ZNF469: variants seen among roughly 807,000 people sequenced by gnomAD.
The protein encoded by ZNF469 is zinc finger protein 469.
In ZNF469, 1 loss-of-function variant was observed where a neutral mutation model predicts 1.0. That is an observed-to-expected ratio of 1.00 (90% CI 0.35 to 4.73). The LOEUF (loss-of-function observed/expected upper bound fraction) is 4.73, where lower values mean the gene tolerates loss of function less well. Ranked by LOEUF, ZNF469 falls within the 30% of genes most tolerant of loss-of-function variation. The pLI, the probability that ZNF469 is intolerant of heterozygous loss-of-function variation, is 0.16. For missense variants in ZNF469, 6,100 were observed against 5,356.3 expected (o/e 1.14, Z -4.33); for synonymous variants, 2,703 against 2,363.4 (o/e 1.14, Z -4.17).
the ZNF469 span, among the ~76,000 whole-genome samples, chr16:88,220,198 C>T: frequency 6.6e-6 from 1 of 152,198 alleles, no homozygotes; most frequent in Non-Finnish European, 1.5e-5. Flanking sequence ...TGCATGCTGG[C>T]CTCATTCCCA....
the ZNF469 span, among the ~76,000 whole-genome samples, chr16:88,135,748 G>GTTTTGTTC: frequency 3.0e-5 from 2 of 66,926 alleles, no homozygotes; most frequent in African/African-American, 4.9e-5. Flanking sequence ...AGCTGGCCAT[G>GTTTTGTTC]TTTTTTTTTT....
chr16:88,297,888 G>A, the ZNF469 span, among the ~76,000 whole-genome samples: 5 of 152,118 alleles, frequency 3.3e-5, no homozygotes, highest in African/African-American at 2.4e-5. Flanking sequence ...TACAGGTGCC[G>A]GTGTGGCTTT....
the ZNF469 span, among the ~76,000 whole-genome samples, chr16:88,274,143 C>G: frequency 3.0e-4 from 45 of 152,358 alleles, no homozygotes; most frequent in East Asian, 7.7e-3. Flanking sequence ...CTGACACATG[C>G]TACTGCATGG....
the ZNF469 span, chr16:88,191,393 A>ATGCC: frequency 2.0e-5 from 3 of 152,382 alleles, no homozygotes; most frequent in South Asian, 6.2e-4. Context: ...GGAGATCTAG[A>ATGCC]TGCCCACAAG....
chr16:88,139,347 G>A, the ZNF469 span, among the ~76,000 whole-genome samples: 2 of 151,876 alleles, frequency 1.3e-5, no homozygotes, highest in Non-Finnish European at 2.9e-5. Context: ...GCCTGGGGAT[G>A]TGACGAGGAA....
chr16:88,350,920 T>C, the ZNF469 span, among the ~76,000 whole-genome samples: 37 of 152,348 alleles, frequency 2.4e-4, no homozygotes, highest in African/African-American at 7.9e-4. Flanking sequence ...CTGATGTTCG[T>C]GGAAGCAGTG....
the ZNF469 span, among the ~76,000 whole-genome samples, chr16:88,143,680 G>A: frequency 9.9e-5 from 15 of 152,252 alleles, no homozygotes; most frequent in Admixed American, 9.8e-4. Flanking sequence ...GCTGTTAAAT[G>A]ATGACAGCTT....
At chr16:88,368,741 G>A in the ZNF469 span, among the ~76,000 whole-genome samples, 1 of 152,050 alleles carries the variant, frequency 6.6e-6, no homozygotes, top group Non-Finnish European at 1.5e-5. Flanking sequence ...GGAAAGTGTG[G>A]CCTGGGAGAG....
Position 88,391,097 on chromosome 16 carries a change from A to T in ZNF469, c.-192+7843A>T, listed in dbSNP as rs1904480046. 2.0e-5 allele frequency among the ~76,000 whole-genome samples: 3 copies of T among 152,208 alleles called. No homozygotes were observed. In the South Asian group the frequency reaches 6.2e-4, roughly 31 times the overall value. ...CATGCAATTGCATTTGGGAGGTGTGATATAGAATCCCACTGTGCCAGCTGC... is the reference window on the plus strand; with the variant it reads ...CATGCAATTGCATTTGGGAGGTGTGTTATAGAATCCCACTGTGCCAGCTGC... On this transcript the variant is annotated intron_variant, in intron 1 of 2. Transcript: ENST00000565624.
chr16:88,372,523 ATCAC>A, the ZNF469 span, among the ~76,000 whole-genome samples: 2 of 151,248 alleles, frequency 1.3e-5, no homozygotes, highest in Non-Finnish European at 2.9e-5. Flanking sequence ...CATCACCATC[ATCAC>A]TATCACCACT....
the ZNF469 span, among the ~76,000 whole-genome samples, chr16:88,226,044 G>A: frequency 6.6e-6 from 1 of 152,126 alleles, no homozygotes. Context: ...AGGCTGCAGG[G>A]TGCCGTCACA....
chr16:88,141,389 C>A, the ZNF469 span, among the ~76,000 whole-genome samples: 1 of 147,814 alleles, frequency 6.8e-6, no homozygotes, highest in African/African-American at 2.6e-5. Flanking sequence ...TCCTGGTCCC[C>A]GGAGCCTGCT....
the ZNF469 span, among the ~76,000 whole-genome samples, chr16:88,141,937 T>C: frequency 6.6e-6 from 1 of 152,294 alleles, no homozygotes; most frequent in Admixed American, 6.5e-5. Flanking sequence ...GCCAGAGCTG[T>C]GGGAGAATGC....
the ZNF469 span, among the ~76,000 whole-genome samples, chr16:88,122,457 G>A: frequency 6.6e-4 from 97 of 147,970 alleles, no homozygotes; most frequent in African/African-American, 2.3e-3. Flanking sequence ...CTACGGCCAC[G>A]GCAGCCACTC....
intron 1 of ZNF469, among the ~76,000 whole-genome samples, chr16:88,402,973 G>A (rs2333920): frequency 0.3 from 45,867 of 152,222 alleles, 7,560 homozygotes; most frequent in South Asian, 0.51. Context: ...AGCCCGGCCC[G>A]GGAAGATGAA....
the ZNF469 span, among the ~76,000 whole-genome samples, chr16:88,151,005 T>C: frequency 0.034 from 5,246 of 152,280 alleles, 288 homozygotes; most frequent in African/African-American, 0.12. The surrounding 1 kb of genome is among the most constrained non-coding windows in gnomAD (Gnocchi z 5.4). Flanking sequence ...AAAGTGCTTA[T>C]GTATAATTTA....
Position 88,429,692 on chromosome 16 carries a change from G to C in ZNF469, c.2222G>C (p.Ser741Thr), listed in dbSNP as rs927053567. Residue 741 changes from serine to threonine, a missense_variant, in exon 3 of 3, where the codon AGC becomes ACC. Coordinates refer to ENST00000565624, the MANE Select transcript of ZNF469 (RefSeq NM_001367624.2). ...TGCAGGCAGTGTGACCGCAACTACA[G>C]CAGCCTGGCGGCCTTCCTGGCCCAC... ...LTCRQCDRNY[S>T]SLAAFLAHRQ... is the part of the protein sequence containing the mutation. The C allele has an allele frequency of 6.5e-7, 1 of 1,542,824 alleles. No individual in the cohort carries two copies. The highest frequency in any genetic ancestry group is 8.8e-7 in the Non-Finnish European group (1 of 1,142,208).
chr16:88,229,855 C>G, the ZNF469 span, among the ~76,000 whole-genome samples: 1 of 152,234 alleles, frequency 6.6e-6, no homozygotes, highest in Non-Finnish European at 1.5e-5. Flanking sequence ...GGGTGAACAG[C>G]AGGGACCCCC....
chr16:88,310,163 G>T, the ZNF469 span, among the ~76,000 whole-genome samples: 665 of 152,250 alleles, frequency 4.4e-3, 5 homozygotes, highest in African/African-American at 0.015. Context: ...GGACAGCCTG[G>T]CATGAGAGCA....
Sources: allele counts gnomAD v4.1 joint callset (sites outside exome capture counted in the v4.1 genomes callset), GRCh38; gene constraint gnomAD v4.1.1; non-coding constraint Gnocchi (gnomAD v3.1); transcripts MANE v1.5; gene names NCBI Gene and HGNC (gene_info 2026-07-23, HGNC 2026-07-21).